The following PLXNA4 variants were observed in gnomAD, a reference collection of about 807,000 sequenced individuals.
The protein encoded by PLXNA4 is plexin A4.
Under a neutral mutation model 191.8 loss-of-function variants are expected in PLXNA4, and 44 were observed. The ratio of observed to expected loss-of-function variants is 0.23; its 90% confidence interval spans 0.18 to 0.29. The LOEUF (loss-of-function observed/expected upper bound fraction) is 0.29. Ranked by LOEUF, PLXNA4 falls within the 10% of genes least tolerant of loss-of-function variation. The pLI is 1.00. For missense variants in PLXNA4, 1,800 were observed against 2,488.8 expected, an observed-to-expected ratio of 0.72 and a Z score of 5.89; for synonymous variants, 1,082 against 1,009.5, an observed-to-expected ratio of 1.07 and a Z score of -1.36.
chr7:132,279,870 C>T lies in PLXNA4; in HGVS notation c.1503+18221G>A, dbSNP rs114683447. Among the ~76,000 whole-genome samples, 173 of 152,240 alleles carry T rather than the reference C, an allele frequency of 1.1e-3. 1 individual carries two copies. The highest frequency in any genetic ancestry group is 3.7e-3 in the African/African-American group (153 of 41,546). ...AGCATGACTTGAGATGGGAGCCGGA[C>T]GCCCAAAGCTGAAGTCAACATATTG... On this transcript the variant is annotated intron_variant, in intron 4 of 31. Transcript: ENST00000321063.
chr7:132,202,040 C>T (rs982844246), intron 12 of PLXNA4, among the ~76,000 whole-genome samples: 17 of 152,174 alleles, frequency 1.1e-4, no homozygotes, highest in African/African-American at 4.1e-4. Context: ...ACTCAGCAAA[C>T]AGCTGGTGGA....
chr7:132,490,448 CA>C (rs1797752565), intron 2 of PLXNA4, among the ~76,000 whole-genome samples: 1 of 96,224 alleles, frequency 1.0e-5, no homozygotes, highest in African/African-American at 3.8e-5. Context: ...TTTTTTGAGA[CA>C]GGGTCTCACT....
At chr7:132,394,086 T>C (rs768348745) in intron 3 of PLXNA4, among the ~76,000 whole-genome samples, 16 of 152,022 alleles carry the variant, frequency 1.1e-4, no homozygotes, top group East Asian at 1.9e-4. Flanking sequence ...CCAGATTTCT[T>C]TTTTTCTCCA....
At chr7:132,642,833 A>G (rs1040080178) in intron 2 of PLXNA4, among the ~76,000 whole-genome samples, 3 of 152,252 alleles carry the variant, frequency 2.0e-5, no homozygotes, top group Non-Finnish European at 4.4e-5. Flanking sequence ...ATTGCTATGC[A>G]GTGATCTCCA....
chr7:132,380,161 C>T (rs1271673861), intron 3 of PLXNA4, among the ~76,000 whole-genome samples: 2 of 152,186 alleles, frequency 1.3e-5, no homozygotes, highest in African/African-American at 4.8e-5. Context: ...CCGGGAACTA[C>T]AGATAACTTT....
intron 1 of PLXNA4, among the ~76,000 whole-genome samples, chr7:132,551,340 T>A (rs976307484): frequency 6.6e-6 from 1 of 152,186 alleles, no homozygotes; most frequent in African/African-American, 2.4e-5. Flanking sequence ...TGAATGACTG[T>A]ATGGAGCAAA....
At chr7:132,199,052 G>A (rs546971503) in intron 12 of PLXNA4, among the ~76,000 whole-genome samples, 17 of 152,248 alleles carry the variant, frequency 1.1e-4, no homozygotes, top group African/African-American at 4.1e-4. Flanking sequence ...CACCTCTCAA[G>A]ATCCTTCTCA....
chr7:132,473,940 T>C (rs1797026151), intron 3 of PLXNA4, among the ~76,000 whole-genome samples: 1 of 151,596 alleles, frequency 6.6e-6, no homozygotes, highest in African/African-American at 2.4e-5. Flanking sequence ...GCATGAACAT[T>C]ATTGTGGTTA....
chr7:132,607,403 A>G (rs1176215947), intron 2 of PLXNA4, among the ~76,000 whole-genome samples: 2 of 152,216 alleles, frequency 1.3e-5, no homozygotes, highest in South Asian at 4.1e-4. Flanking sequence ...TCTGGCACCT[A>G]GCTAGGAGCA....
intron 3 of PLXNA4, among the ~76,000 whole-genome samples, chr7:132,350,481 G>A (rs547130105): frequency 6.6e-6 from 1 of 152,218 alleles, no homozygotes; most frequent in Non-Finnish European, 1.5e-5. Context: ...TCCAGCCTGG[G>A]CAACAGACTG....
rs929088868 is a variant in PLXNA4, at chr7:132,127,804, C to A, written c.*2675G>T. On this transcript the variant is annotated 3_prime_UTR_variant, in exon 32 of 32. Coordinates refer to ENST00000321063, the MANE Select transcript of PLXNA4 (RefSeq NM_020911.2). ...TCCTTGTCTCCTCTTTCTTCCTAAC[C>A]TTTCTATTTCTCTGAGGTGTTTGAA... 6.6e-6 allele frequency: 1 copy of A among 152,110 alleles called. No homozygotes were observed. Among genetic ancestry groups the A allele is most frequent in the South Asian group, 2.1e-4 (1 of 4,814 alleles). 9.4% of individuals were successfully genotyped at this position (152,110 alleles called of 1,614,324 possible).
chr7:132,253,232 C>CTTTTT (rs56010775), intron 4 of PLXNA4, among the ~76,000 whole-genome samples: 8 of 134,446 alleles, frequency 6.0e-5, no homozygotes, highest in South Asian at 2.3e-4. Flanking sequence ...TTTCTTTTTT[C>CTTTTT]TTTTTTTTTT....
intron 3 of PLXNA4, among the ~76,000 whole-genome samples, chr7:132,475,851 C>A (rs1797106642): frequency 6.6e-6 from 1 of 152,174 alleles, no homozygotes; most frequent in Admixed American, 6.5e-5. Context: ...GGGCAATGGT[C>A]AGGGCATTTG....
At chr7:132,578,476 G>A (rs1157443209), upstream of PLXNA4, among the ~76,000 whole-genome samples, 1 of 152,144 alleles carries the variant, frequency 6.6e-6, no homozygotes, top group Non-Finnish European at 1.5e-5. Flanking sequence ...TCCTTATTAG[G>A]TGGACATGAC....
chr7:132,350,831 T>C (rs999132671), intron 3 of PLXNA4, among the ~76,000 whole-genome samples: 16 of 152,156 alleles, frequency 1.1e-4, no homozygotes, highest in African/African-American at 3.4e-4. Flanking sequence ...CAAAAATGTA[T>C]ACACAAATGT....
intron 2 of PLXNA4, among the ~76,000 whole-genome samples, chr7:132,614,872 C>A (rs1240914069): frequency 2.0e-5 from 3 of 152,174 alleles, no homozygotes; most frequent in African/African-American, 2.4e-5. Context: ...TGCAGAGAGG[C>A]GGAGATGGAG....
intron 3 of PLXNA4, among the ~76,000 whole-genome samples, chr7:132,403,270 A>G (rs1794070905): frequency 6.6e-6 from 1 of 152,246 alleles, no homozygotes; most frequent in African/African-American, 2.4e-5. Flanking sequence ...CTGCCCCCTC[A>G]GGAGCCAGCA....
At position 132,441,966 on chromosome 7, in the gene PLXNA4, G is replaced by A. The variant is rs1193750990; in HGVS notation, c.1371+47326C>T. Reference sequence around the variant, plus strand: ...GTGAAGTGGCATGCCACCAATGCTCGGTCAAAATCACATGCAAGAGTGACA... The same window carrying A: ...GTGAAGTGGCATGCCACCAATGCTCAGTCAAAATCACATGCAAGAGTGACA... On this transcript the variant is annotated intron_variant, in intron 3 of 31. Transcript: ENST00000321063. Among the ~76,000 whole-genome samples, 6 of 152,110 alleles carry A rather than the reference G, an allele frequency of 3.9e-5. No homozygotes were observed. The South Asian group carries it at 8.3e-4, about 21-fold the overall frequency.
intron 11 of PLXNA4, 27 bp from the exon 12 acceptor site, chr7:132,202,863 G>A: frequency 6.6e-7 from 1 of 1,513,068 alleles, no homozygotes. Flanking sequence ...CAAGGACAAG[G>A]GGTGCTTGGG....
Sources: allele counts gnomAD v4.1 joint callset (sites outside exome capture counted in the v4.1 genomes callset), GRCh38; gene constraint gnomAD v4.1.1; transcripts MANE v1.5; gene names NCBI Gene and HGNC (gene_info 2026-07-23, HGNC 2026-07-21).